SERTAD2: variants seen among roughly 807,000 people sequenced by gnomAD.
SERTAD2 encodes the protein SERTA domain containing 2.
In SERTAD2, 2 loss-of-function variants were observed where a neutral mutation model predicts 15.4. The ratio of observed to expected loss-of-function variants is 0.13; its 90% CI spans 0.05 to 0.41. SERTAD2 has a LOEUF of 0.41. Ranked by LOEUF, SERTAD2 falls within the 10% of genes least tolerant of loss-of-function variation. The pLI is 0.99. For synonymous variants in SERTAD2, 180 were observed against 178.0 expected (o/e 1.01, Z -0.09); for missense variants, 333 against 409.7 (o/e 0.81, Z 1.62).
At position 64,636,095 on chromosome 2, in the gene SERTAD2, G is replaced by A. The variant is rs1177040912; in HGVS notation, c.777C>T (p.Asp259=). 1.9e-6 allele frequency: 3 copies of A among 1,614,046 alleles called. No homozygotes were observed. Among genetic ancestry groups the A allele is most frequent in the Non-Finnish European group, 2.5e-6 (3 of 1,180,040 alleles). The change falls in exon 2 of 2, where the codon GAC becomes GAT. Residue 259 remains aspartate, a synonymous_variant. Coordinates refer to ENST00000313349, the MANE Select transcript of SERTAD2 (RefSeq NM_014755.3). ...ADIDTSMYDF[D]PCTSSSGTAS... ...CTGTCCCTGATGAGGAAGTGCAGGG[G>A]TCAAAATCATACATGGACGTATCAA...
chr2:64,636,540 G>T lies in SERTAD2; in HGVS notation c.332C>A (p.Ala111Glu), dbSNP rs377127082. 1 of 1,598,624 alleles carries T rather than the reference G, an allele frequency of 6.3e-7. No individual in the cohort carries two copies. Among genetic ancestry groups the T allele is most frequent in the Non-Finnish European group, 8.5e-7 (1 of 1,170,710 alleles). Residue 111 changes from alanine (A) to glutamate (E), a missense_variant, in exon 2 of 2, where the codon GCG (alanine) becomes GAG (glutamate). This residue lies in a region of SERTAD2 where 332 missense variants were observed against 392.9 expected (regional missense o/e 0.84). Coordinates refer to ENST00000313349, the MANE Select transcript of SERTAD2 (RefSeq NM_014755.3). ...REAPPAFSHL[A>E]SPSSHPCDLG... ...GTCGCAGGGGTGGGAGGACGGGGACGCCAGGTGGCTGAAGGCCGGCGGGGC... is the reference window on the plus strand; with the variant it reads ...GTCGCAGGGGTGGGAGGACGGGGACTCCAGGTGGCTGAAGGCCGGCGGGGC...
chr2:64,647,077 G>A (rs1238119719), intron 1 of SERTAD2, among the ~76,000 whole-genome samples: 1 of 152,212 alleles, frequency 6.6e-6, no homozygotes, highest in Non-Finnish European at 1.5e-5. Flanking sequence ...ACATTGGAGA[G>A]GGGCCATTTA....
intron 1 of SERTAD2, among the ~76,000 whole-genome samples, chr2:64,639,700 C>T (rs921773238): frequency 1.3e-5 from 2 of 152,150 alleles, no homozygotes; most frequent in Admixed American, 6.5e-5. Flanking sequence ...ACTGAATCTA[C>T]AGAATTCACC....
chr2:64,641,305 T>G (rs1229971824), intron 1 of SERTAD2, among the ~76,000 whole-genome samples: 1 of 152,180 alleles, frequency 6.6e-6, no homozygotes, highest in African/African-American at 2.4e-5. Flanking sequence ...CTTGACTTTT[T>G]GGGGCTTTGC....
intron 1 of SERTAD2, among the ~76,000 whole-genome samples, chr2:64,649,011 G>A (rs1257461249): frequency 6.6e-6 from 1 of 152,130 alleles, no homozygotes. Flanking sequence ...AGATGGGCAG[G>A]GAGATGTCCC....
intron 1 of SERTAD2, among the ~76,000 whole-genome samples, chr2:64,650,369 AAAC>A (rs1661725454): frequency 6.6e-6 from 1 of 152,004 alleles, no homozygotes; most frequent in Admixed American, 6.5e-5. Context: ...GAGAAAAAAA[AAAC>A]AAAACAAGGA....
chr2:64,650,095 C>T (rs562988978), intron 1 of SERTAD2, among the ~76,000 whole-genome samples: 1 of 152,244 alleles, frequency 6.6e-6, no homozygotes, highest in East Asian at 1.9e-4. Flanking sequence ...GCATTAAGTT[C>T]AGATGAGGGA....
Position 64,636,435 on chromosome 2 carries a change from G to A in SERTAD2, c.437C>T (p.Ser146Phe). The A allele has an allele frequency of 1.9e-6, 3 of 1,614,226 alleles. No individual in the cohort carries two copies. Among genetic ancestry groups the A allele is most frequent in the Non-Finnish European group, 1.7e-6 (2 of 1,180,042 alleles). Residue 146 changes from serine (S) to phenylalanine (F), a missense_variant, in exon 2 of 2, where the codon TCC becomes TTC. Transcript: ENST00000313349. ...GGGAGCCGTGGGCTGCATGGCCTGGGAGGTGCAAAACGTGTCATCGTCGTC... is the reference window on the plus strand; with the variant it reads ...GGGAGCCGTGGGCTGCATGGCCTGGAAGGTGCAAAACGTGTCATCGTCGTC... ...LEDDDDTFCTSQAMQPTAPTK... is the reference protein window; with the variant it reads ...LEDDDDTFCTFQAMQPTAPTK...
intron 1 of SERTAD2, chr2:64,646,789 G>A (rs1674910989): frequency 6.6e-6 from 1 of 152,160 alleles, no homozygotes; most frequent in Non-Finnish European, 1.5e-5. Context: ...TAAAATCCCT[G>A]GAGGATTCCT....
In SERTAD2 at chr2:64,636,455, G is replaced by A. The variant is rs3770717; in HGVS notation, c.417C>T (p.Asp139=). The change falls in exon 2 of 2, where the codon GAC becomes GAT. Residue 139 remains aspartate (D), a synonymous_variant. Coordinates refer to ENST00000313349, the MANE Select transcript of SERTAD2 (RefSeq NM_014755.3). ...CCTGGGAGGTGCAAAACGTGTCATC[G>A]TCGTCCTCGAGCAGTGAGGCCGGGG... ...CLTPASLLED[D]DDTFCTSQAM... 3.5e-5 allele frequency: 57 copies of A among 1,614,130 alleles called. No homozygotes were observed. In the East Asian group the frequency reaches 5.6e-4, roughly 16 times the overall value.
At chr2:64,642,287 T>G (rs1017362489) in intron 1 of SERTAD2, among the ~76,000 whole-genome samples, 1 of 152,204 alleles carries the variant, frequency 6.6e-6, no homozygotes. Context: ...GGGCCCAGAT[T>G]CTCCTTGCTG....
In SERTAD2 at chr2:64,636,715, G is replaced by C. The variant is rs752309481; in HGVS notation, c.157C>G (p.Pro53Ala). 8 of 1,614,156 alleles carry C rather than the reference G, an allele frequency of 5.0e-6. No homozygotes were observed. The South Asian group carries it at 8.8e-5, about 18-fold the overall frequency. Reference sequence around the variant, plus strand: ...TTTTGCAAGCTGGGCTCTGTCAGGGGCCTGTGGTTATAGAGTTTCATAAGG... The same window carrying C: ...TTTTGCAAGCTGGGCTCTGTCAGGGCCCTGTGGTTATAGAGTTTCATAAGG... ...ISLMKLYNHR[P>A]LTEPSLQKTV... Residue 53 changes from proline (P) to alanine (A), a missense_variant, in exon 2 of 2, where the codon CCC becomes GCC. Pro to Ala is a conservative substitution (Grantham distance 27, BLOSUM62 -1). This residue lies in a region of SERTAD2 where 332 missense variants were observed against 392.9 expected (regional missense o/e 0.84). Coordinates refer to ENST00000313349, the MANE Select transcript of SERTAD2 (RefSeq NM_014755.3).
At chr2:64,651,559 G>A (rs3770710) in intron 1 of SERTAD2, among the ~76,000 whole-genome samples, 17,332 of 152,166 alleles carry the variant, frequency 0.11, 1,274 homozygotes, top group Non-Finnish European at 0.16. Flanking sequence ...CAAAATATGT[G>A]CTATTTTACT....
rs188919918 is a variant in SERTAD2 at position 64,638,412 on chromosome 2, G to A, written c.-4-1537C>T. On this transcript the variant is annotated intron_variant, in intron 1 of 1. Coordinates refer to ENST00000313349, the MANE Select transcript of SERTAD2 (RefSeq NM_014755.3). The stretch of plus-strand genomic sequence containing the variant: ...ATCACCATTTTGAATTTCAAGTCTC[G>A]ACCTAAAGAAATAAGGCTAAATGGA... Among the ~76,000 whole-genome samples the A allele has an allele frequency of 1.6e-4, 25 of 152,252 alleles. 1 individual carries two copies. The Middle Eastern group carries it at 0.014, about 83-fold the overall frequency.
chr2:64,637,247 C>T (rs1016952172), intron 1 of SERTAD2, among the ~76,000 whole-genome samples: 4 of 152,296 alleles, frequency 2.6e-5, no homozygotes. Context: ...TTCCCTCCCC[C>T]ACGTAGATTT....
chr2:64,639,473 A>T (rs1299136998), intron 1 of SERTAD2, among the ~76,000 whole-genome samples: 1 of 152,248 alleles, frequency 6.6e-6, no homozygotes, highest in African/African-American at 2.4e-5. Flanking sequence ...AGAAAGCTTG[A>T]GAAGCACTGT....
chr2:64,636,987 G>T (rs570361097), intron 1 of SERTAD2, 112 bp from the exon 2 acceptor site: 14 of 717,338 alleles, frequency 2.0e-5, no homozygotes, highest in East Asian at 7.7e-5. Context: ...CCTGCCCAGG[G>T]TTATTTACAA....
intron 1 of SERTAD2, among the ~76,000 whole-genome samples, chr2:64,646,214 A>G (rs1674897613): frequency 6.6e-6 from 1 of 152,218 alleles, no homozygotes; most frequent in Non-Finnish European, 1.5e-5. Flanking sequence ...ATACCTGCTG[A>G]GGCTGGCTGA....
intron 1 of SERTAD2, among the ~76,000 whole-genome samples, chr2:64,650,187 A>G (rs1674980101): frequency 6.6e-6 from 1 of 152,180 alleles, no homozygotes. Flanking sequence ...TTTTCAAAAG[A>G]GAGTTTGCGC....
Sources: gnomAD v4.1 joint callset for allele counts (sites outside exome capture counted in the v4.1 genomes callset) on GRCh38, gnomAD v4.1.1 for gene constraint, gnomAD v4.1.1 regional missense constraint, MANE v1.5 for transcripts, NCBI Gene and HGNC (gene_info 2026-07-23, HGNC 2026-07-21) for gene names.